The following HK1 variants were observed in gnomAD, a reference collection of about 807,000 sequenced individuals.
The protein encoded by HK1 is hexokinase-1.
Under a neutral mutation model 91.6 loss-of-function variants are expected in HK1, and 28 were observed. That is an observed-to-expected ratio of 0.31 (90% confidence interval 0.23 to 0.42). The LOEUF is 0.42. Ranked by LOEUF, HK1 falls within the 10% of genes least tolerant of loss-of-function variation. The pLI is 1.00. For missense variants in HK1, 770 were observed against 1,219.8 expected (o/e 0.63, Z 5.49); for synonymous variants, 430 against 468.1 (o/e 0.92, Z 1.05).
At chr10:69,343,718 C>G in intron 1 of HK1, 109 bp from the exon 2 acceptor site, 1 of 821,958 alleles carries the variant, frequency 1.2e-6, no homozygotes, top group South Asian at 1.3e-5. Context: ...GATGTGCCAG[C>G]GTGCGTGTTC....
chr10:69,322,489 T>G (rs1000820333), intron 1 of HK1, among the ~76,000 whole-genome samples: 1 of 152,194 alleles, frequency 6.6e-6, no homozygotes, highest in Non-Finnish European at 1.5e-5. Flanking sequence ...CCTTGAGTAC[T>G]TGACCCAGGA....
At chr10:69,273,295 A>G (rs1456827023) in intron 1 of HK1, among the ~76,000 whole-genome samples, 2 of 152,178 alleles carry the variant, frequency 1.3e-5, no homozygotes, top group Non-Finnish European at 2.9e-5. Context: ...GGCTAACTGC[A>G]GGCTCCACCT....
intron 2 of HK1, among the ~76,000 whole-genome samples, chr10:69,356,743 C>T (rs1251872979): frequency 3.3e-5 from 5 of 151,740 alleles, no homozygotes; most frequent in Non-Finnish European, 7.4e-5. Flanking sequence ...ATTAGCCAGG[C>T]GTGGTGGTGC....
At chr10:69,291,834 C>T (rs973726772) in intron 3 of HK1, among the ~76,000 whole-genome samples, 2 of 152,126 alleles carry the variant, frequency 1.3e-5, no homozygotes, top group Non-Finnish European at 2.9e-5. Context: ...ATTCCAAGCC[C>T]CAGAGAGTAT....
At chr10:69,353,945 C>T (rs1467569614) in intron 2 of HK1, among the ~76,000 whole-genome samples, 1 of 152,184 alleles carries the variant, frequency 6.6e-6, no homozygotes, top group Non-Finnish European at 1.5e-5. Context: ...CAGGCCACAA[C>T]CTGTGCTTGT....
intron 4 of HK1, among the ~76,000 whole-genome samples, chr10:69,366,628 T>C (rs1000846542): frequency 3.3e-5 from 5 of 152,178 alleles, no homozygotes; most frequent in Non-Finnish European, 7.4e-5. Context: ...TCTGACCTGT[T>C]ATGCTTTCAG....
At chr10:69,388,841 G>A (rs904605120) in intron 13 of HK1, among the ~76,000 whole-genome samples, 3 of 152,172 alleles carry the variant, frequency 2.0e-5, no homozygotes, top group Admixed American at 2.0e-4. Context: ...TGAGCAGTGA[G>A]TTTAATATTT....
At chr10:69,353,015 A>G (rs531698973) in intron 2 of HK1, among the ~76,000 whole-genome samples, 1 of 152,316 alleles carries the variant, frequency 6.6e-6, no homozygotes, top group South Asian at 2.1e-4. Context: ...TGAGCAATAC[A>G]GGTGCTAGGA....
chr10:69,320,038 A>C (rs928519667), intron 1 of HK1, among the ~76,000 whole-genome samples: 3 of 152,322 alleles, frequency 2.0e-5, no homozygotes, highest in South Asian at 4.1e-4. Context: ...GGTGAAAGGC[A>C]GGAGTGACAG....
chr10:69,344,070 T>A, intron 2 of HK1, 81 bp downstream of exon 2: 1 of 1,424,836 alleles, frequency 7.0e-7, no homozygotes, highest in South Asian at 1.2e-5. Flanking sequence ...TGTTCATACA[T>A]TTGCTCATTC....
intron 1 of HK1, among the ~76,000 whole-genome samples, chr10:69,281,839 C>T (rs554393606): frequency 3.0e-4 from 45 of 152,270 alleles, no homozygotes; most frequent in Admixed American, 2.9e-3. Flanking sequence ...AAAAGGTGGC[C>T]TGGAATATCC....
At chr10:69,389,469 C>CGG in intron 14 of HK1, 173 bp downstream of exon 14, 1 of 198,878 alleles carries the variant, frequency 5.0e-6, no homozygotes, top group Non-Finnish European at 1.0e-5. Flanking sequence ...GAGTCTCTGG[C>CGG]GGGGGGAGGT....
intron 1 of HK1, among the ~76,000 whole-genome samples, chr10:69,323,244 C>CA (rs376198465): frequency 0.018 from 1,651 of 92,194 alleles, 17 homozygotes; most frequent in Middle Eastern, 0.13. Context: ...AACTCTGTCT[C>CA]AAAAAAAAAA....
chr10:69,323,520 CAA>C (rs11421011), intron 1 of HK1, among the ~76,000 whole-genome samples: 6 of 95,298 alleles, frequency 6.3e-5, no homozygotes, highest in Non-Finnish European at 6.1e-5. Flanking sequence ...GACTCTGTCT[CAA>C]AAAAAAAAAA....
At chr10:69,363,638 C>CCAGCTTA (rs1849547849) in intron 3 of HK1, among the ~76,000 whole-genome samples, 1 of 152,162 alleles carries the variant, frequency 6.6e-6, no homozygotes, top group Non-Finnish European at 1.5e-5. Context: ...CTTGGCCTCC[C>CCAGCTTA]AAAGTATTGG....
At chr10:69,291,609 C>G (rs1362159495) in intron 3 of HK1, among the ~76,000 whole-genome samples, 3 of 152,170 alleles carry the variant, frequency 2.0e-5, no homozygotes, top group Non-Finnish European at 4.4e-5. Context: ...TCAGGACTCT[C>G]TCACTCCAGG....
At chr10:69,277,641 T>C (rs922687235) in intron 1 of HK1, among the ~76,000 whole-genome samples, 7 of 152,188 alleles carry the variant, frequency 4.6e-5, no homozygotes, top group African/African-American at 1.4e-4. Context: ...TATTATATAT[T>C]ACAAAAAGGC....
chr10:69,310,420 CA>C (rs745830600), intron 5 of HK1, among the ~76,000 whole-genome samples: 12,069 of 85,534 alleles, frequency 0.14, 367 homozygotes, highest in South Asian at 0.19. Context: ...GACTTTGTCT[CA>C]AAAAAAAAAA....
At chr10:69,351,536 C>A (rs865801572) in intron 2 of HK1, among the ~76,000 whole-genome samples, 1 of 146,476 alleles carries the variant, frequency 6.8e-6, no homozygotes, top group African/African-American at 2.5e-5. Context: ...ACAAAAAAAA[C>A]AAAACAAAAA....
Sources: allele counts gnomAD v4.1 joint callset (sites outside exome capture counted in the v4.1 genomes callset), GRCh38; gene constraint gnomAD v4.1.1; transcripts MANE v1.5; gene names NCBI Gene and HGNC (gene_info 2026-07-23, HGNC 2026-07-21).